Variants in OSTN observed in about 807,000 individuals in gnomAD.
The protein encoded by OSTN is osteocrin.
Under a neutral mutation model 12.0 loss-of-function variants are expected in OSTN, and 9 were observed. The observed-to-expected ratio is 0.75, with a 90% CI of 0.45 to 1.30. The LOEUF is 1.30. OSTN is among the 50% of genes most tolerant of loss of function. The pLI is 0.00. For synonymous variants in OSTN, 59 were observed against 56.9 expected (o/e 1.04, Z -0.16); for missense variants, 148 against 152.3 (o/e 0.97, Z 0.15).
rs569699833 is a variant in OSTN, at chr3:191,265,398, A to C, written c.*2545A>C. 1.5e-3 allele frequency: 229 copies of C among 152,346 alleles called. 1 individual carries two copies. Among genetic ancestry groups the C allele is most frequent in the African/African-American group, 5.2e-3 (218 of 41,594 alleles). The allele number at this position is 152,346 out of a possible 1,614,324, so 9.4% of individuals were successfully genotyped here. On this transcript the variant is annotated 3_prime_UTR_variant, in exon 5 of 5. Coordinates refer to ENST00000682035, the MANE Select transcript of OSTN (RefSeq NM_198184.2). ...GGCTATGTTGTCCTAAAATTTACAC[A>C]CACTAAAAAATGTCTGTCAAGTTGT...
chr3:191,209,121 G>A (rs1390532116), intron 1 of OSTN, among the ~76,000 whole-genome samples: 2 of 151,970 alleles, frequency 1.3e-5, no homozygotes, highest in African/African-American at 4.8e-5. Context: ...ATTGCACCAC[G>A]GCACTCCAGC....
At chr3:191,261,476 G>C (rs1715809123) in intron 4 of OSTN, among the ~76,000 whole-genome samples, 1 of 152,184 alleles carries the variant, frequency 6.6e-6, no homozygotes, top group Non-Finnish European at 1.5e-5. Flanking sequence ...GCAGCCCTCA[G>C]AGAGAATAGA....
At chr3:191,201,109 A>AT (rs893680557) in intron 1 of OSTN, among the ~76,000 whole-genome samples, 10 of 151,766 alleles carry the variant, frequency 6.6e-5, no homozygotes, top group African/African-American at 9.7e-5. Flanking sequence ...TTATTTATTT[A>AT]TTTTTTTTAG....
rs1349402209 is a variant in OSTN at position 191,234,902 on chromosome 3, T to A, written c.318-15135T>A. Among the ~76,000 whole-genome samples, 16 of 152,090 alleles carry A rather than the reference T, an allele frequency of 1.1e-4. 1 individual carries two copies. The highest frequency in any genetic ancestry group is 1.0e-4 in the Non-Finnish European group (7 of 68,020). The stretch of plus-strand genomic sequence containing the variant: ...GCCAGAGGGCACAGGAACATTTATA[T>A]GTTCCAAAAAGATCAGCCTCCTAGG... On this transcript the variant is annotated intron_variant, in intron 3 of 4. Transcript: ENST00000682035.
chr3:191,201,363 A>C (rs1714148809), intron 1 of OSTN, among the ~76,000 whole-genome samples: 2 of 152,036 alleles, frequency 1.3e-5, no homozygotes, highest in Admixed American at 6.6e-5. Flanking sequence ...TCCATCTATT[A>C]ATTGTGGATA....
intron 3 of OSTN, among the ~76,000 whole-genome samples, chr3:191,238,690 A>G (rs1715256490): frequency 6.6e-6 from 1 of 152,054 alleles, no homozygotes; most frequent in Admixed American, 6.5e-5. Flanking sequence ...GCCCTTTTAA[A>G]TGCTGCCTTC....
intron 4 of OSTN, among the ~76,000 whole-genome samples, chr3:191,258,564 C>T (rs1052185842): frequency 5.3e-5 from 8 of 151,314 alleles, no homozygotes; most frequent in African/African-American, 1.5e-4. Flanking sequence ...ACCTAGATGA[C>T]GGGTTGATGG....
intron 3 of OSTN, among the ~76,000 whole-genome samples, chr3:191,246,039 C>CA (rs1715422384): frequency 2.3e-5 from 3 of 130,406 alleles, no homozygotes; most frequent in Non-Finnish European, 4.6e-5. Flanking sequence ...TGCACTCCAG[C>CA]CTGGGCAATA....
At chr3:191,216,338 A>G (rs1040614002) in intron 2 of OSTN, among the ~76,000 whole-genome samples, 2 of 152,204 alleles carry the variant, frequency 1.3e-5, no homozygotes, top group African/African-American at 4.8e-5. Flanking sequence ...GGCTGCCATG[A>G]AGACATCTGA....
At chr3:191,231,691 C>T (rs1355841163) in intron 3 of OSTN, among the ~76,000 whole-genome samples, 2 of 152,112 alleles carry the variant, frequency 1.3e-5, no homozygotes, top group African/African-American at 4.8e-5. Context: ...TGTTTTTCCC[C>T]TTATCAGGCA....
intron 3 of OSTN, among the ~76,000 whole-genome samples, chr3:191,243,364 C>A (rs571645826): frequency 6.6e-6 from 1 of 152,184 alleles, no homozygotes; most frequent in African/African-American, 2.4e-5. Flanking sequence ...ATAACAACAA[C>A]AAGTAGAGGA....
chr3:191,219,754 T>G (rs1260338141), intron 3 of OSTN, among the ~76,000 whole-genome samples: 4 of 152,224 alleles, frequency 2.6e-5, no homozygotes, highest in African/African-American at 9.6e-5. Context: ...CAAGATTCCT[T>G]TAGCTCATCC....
chr3:191,204,089 C>A (rs1198623293), intron 1 of OSTN, among the ~76,000 whole-genome samples: 1 of 152,116 alleles, frequency 6.6e-6, no homozygotes, highest in Non-Finnish European at 1.5e-5. Context: ...GGGGTTTCAC[C>A]GTGTTAGCCA....
intron 3 of OSTN, among the ~76,000 whole-genome samples, chr3:191,245,728 G>A (rs965719816): frequency 1.3e-5 from 2 of 152,112 alleles, no homozygotes; most frequent in African/African-American, 4.8e-5. Context: ...AATTTTGGTA[G>A]GAGAGACCAA....
intron 3 of OSTN, among the ~76,000 whole-genome samples, chr3:191,246,489 C>T (rs1715434400): frequency 6.6e-6 from 1 of 151,706 alleles, no homozygotes; most frequent in Admixed American, 6.6e-5. Context: ...ACCTGTAATC[C>T]CAGCTACTCA....
chr3:191,238,591 G>T (rs1415407348), intron 3 of OSTN, among the ~76,000 whole-genome samples: 2 of 152,202 alleles, frequency 1.3e-5, no homozygotes, highest in Non-Finnish European at 2.9e-5. Flanking sequence ...ACAAAAGGAA[G>T]GCAGTAGTAT....
At chr3:191,211,692 A>C (rs1214338530) in intron 1 of OSTN, among the ~76,000 whole-genome samples, 4 of 152,200 alleles carry the variant, frequency 2.6e-5, no homozygotes, top group African/African-American at 9.6e-5. Context: ...AATGTGTGTA[A>C]AATGGCATTT....
chr3:191,212,080 G>T (rs759366818), intron 1 of OSTN, among the ~76,000 whole-genome samples: 3 of 152,030 alleles, frequency 2.0e-5, no homozygotes, highest in Non-Finnish European at 2.9e-5. Flanking sequence ...ATGGATGGTG[G>T]GTGTTTTGAA....
At chr3:191,222,465 T>C (rs200175018) in intron 3 of OSTN, among the ~76,000 whole-genome samples, 1 of 152,242 alleles carries the variant, frequency 6.6e-6, no homozygotes, top group Non-Finnish European at 1.5e-5. Context: ...CAATGTCTCC[T>C]ATTTGGAACA....
Sources: allele counts gnomAD v4.1 joint callset (sites outside exome capture counted in the v4.1 genomes callset), GRCh38; gene constraint gnomAD v4.1.1; transcripts MANE v1.5; gene names NCBI Gene and HGNC (gene_info 2026-07-23, HGNC 2026-07-21).